The following POLE2 variants were observed in gnomAD, a reference collection of about 807,000 sequenced individuals.
The protein encoded by POLE2 is DNA polymerase epsilon subunit 2.
A neutral mutation model predicts 79.4 loss-of-function variants in POLE2; 56 were observed. That is an observed-to-expected ratio of 0.71 (90% CI 0.57 to 0.88). The LOEUF (loss-of-function observed/expected upper bound fraction) is 0.88, where lower values mean the gene tolerates loss of function less well. Ranked by LOEUF, POLE2 falls within the 40% of genes least tolerant of loss-of-function variation. The pLI, the probability that POLE2 is intolerant of heterozygous loss-of-function variation, is 0.00. For missense variants in POLE2, 598 were observed against 638.9 expected, an observed-to-expected ratio of 0.94 and a Z score of 0.69; for synonymous variants, 212 against 214.0, an observed-to-expected ratio of 0.99 and a Z score of 0.08.
chr14:49,645,275 G>C (rs1315184282), intron 18 of POLE2, among the ~76,000 whole-genome samples: 1 of 151,994 alleles, frequency 6.6e-6, no homozygotes, highest in Non-Finnish European at 1.5e-5. Context: ...CCAATATTGT[G>C]TTTTTAAATA....
intron 5 of POLE2, among the ~76,000 whole-genome samples, chr14:49,670,421 G>A (rs927637663): frequency 6.6e-6 from 1 of 151,828 alleles, no homozygotes; most frequent in Non-Finnish European, 1.5e-5. Flanking sequence ...TGAATTATGC[G>A]GTGCACAAGG....
Position 49,664,667 on chromosome 14 carries a change from T to A in POLE2, c.641A>T (p.His214Leu). 1 of 1,588,424 alleles carries A rather than the reference T, an allele frequency of 6.3e-7. No homozygotes were observed. Among genetic ancestry groups the A allele is most frequent in the Non-Finnish European group, 8.6e-7 (1 of 1,156,768 alleles). ...VQLDLSKAQF[H>L]SGLYTEACFV... ...GCATGCCTCTGTGTATAAACCACTA[T>A]GGAACTGGTACACAACAGTTGAGGA... The change falls in exon 9 of 19, where the codon CAT becomes CTT. Residue 214 changes from histidine (H) to leucine (L), a missense_variant. Transcript: ENST00000216367.
chr14:49,686,419 A>G (rs1357171207), intron 1 of POLE2, among the ~76,000 whole-genome samples: 2 of 152,208 alleles, frequency 1.3e-5, no homozygotes, highest in African/African-American at 2.4e-5. Flanking sequence ...CCAGGCAATC[A>G]GGAACTGAAT....
rs1029759847 is a variant in POLE2, at chr14:49,663,354, G to A, written c.716C>T (p.Ala239Val). The A allele has an allele frequency of 6.2e-7, 1 of 1,609,822 alleles. No individual in the cohort carries two copies. Among genetic ancestry groups the A allele is most frequent in the Non-Finnish European group, 8.5e-7 (1 of 1,177,150 alleles). The change falls in exon 10 of 19, where the codon GCC becomes GTC. Residue 239 changes from alanine to valine, a missense_variant. Ala to Val is a moderately conservative substitution (Grantham distance 64). Transcript: ENST00000216367. ...GGGCTCAGTGGGTGGAAATCCAAAGGCATTGACATGAAACACTTGATCTTC... is the reference window on the plus strand; with the variant it reads ...GGGCTCAGTGGGTGGAAATCCAAAGACATTGACATGAAACACTTGATCTTC... ...WFEDQVFHVN[A>V]FGFPPTEPSS...
intron 18 of POLE2, 23 bp from the exon 19 acceptor site, chr14:49,643,693 A>G: frequency 8.1e-7 from 1 of 1,236,890 alleles, no homozygotes; most frequent in Non-Finnish European, 1.2e-6. Flanking sequence ...AAAAAAATTA[A>G]ATATTTGGAA....
intron 10 of POLE2, among the ~76,000 whole-genome samples, chr14:49,662,093 A>G (rs1392754327): frequency 6.6e-6 from 1 of 152,198 alleles, no homozygotes; most frequent in Non-Finnish European, 1.5e-5. Context: ...TATTGGAAAA[A>G]AGCCACAAAC....
In POLE2 at chr14:49,647,360, C is replaced by A; in HGVS notation, c.1498G>T (p.Gly500Cys). ...TNTECLCINP[G>C]SFPRSGFSFK... ...GAAAATCCACTTCTTGGAAAAGAGC[C>A]CTTTGGGGGAGAAAAATGCCTGTAA... The change falls in exon 18 of 19, where the codon GGC (glycine) becomes TGC (cysteine). Residue 500 changes from glycine to cysteine, a missense_variant and splice_region_variant. Coordinates refer to ENST00000216367, the MANE Select transcript of POLE2 (RefSeq NM_002692.4). 1 of 1,535,690 alleles carries A rather than the reference C, an allele frequency of 6.5e-7. No homozygotes were observed. Among genetic ancestry groups the A allele is most frequent in the Non-Finnish European group, 8.8e-7 (1 of 1,135,190 alleles).
chr14:49,685,220 A>G (rs1427157758), intron 1 of POLE2, among the ~76,000 whole-genome samples: 1 of 152,174 alleles, frequency 6.6e-6, no homozygotes, highest in African/African-American at 2.4e-5. Context: ...CATAACACTA[A>G]TTGTTCTATA....
At position 49,674,418 on chromosome 14, in the gene POLE2, A is replaced by C; in HGVS notation, c.255T>G (p.Val85=). 1 of 1,606,562 alleles carries C rather than the reference A, an allele frequency of 6.2e-7. No individual in the cohort carries two copies. Among genetic ancestry groups the C allele is most frequent in the South Asian group, 1.1e-5 (1 of 90,752 alleles). ...SQSVDETIEH[V]FNIIGAFDIP... Reference sequence around the variant, plus strand: ...TATCAAATGCTCCTATGATATTGAAAACGTGCTCTCTGAAAAACATCCCAC... The same window carrying C: ...TATCAAATGCTCCTATGATATTGAACACGTGCTCTCTGAAAAACATCCCAC... The change falls in exon 4 of 19, where the codon GTT becomes GTG. Residue 85 remains valine, a synonymous_variant. Transcript: ENST00000216367.
chr14:49,663,206 G>A, intron 10 of POLE2, 109 bp downstream of exon 10: 1 of 488,150 alleles, frequency 2.0e-6, no homozygotes. Context: ...TTTCCATTTT[G>A]ACACAAAGCC....
At chr14:49,672,263 A>AT (rs1279183966) in intron 5 of POLE2, among the ~76,000 whole-genome samples, 1 of 152,192 alleles carries the variant, frequency 6.6e-6, no homozygotes, top group African/African-American at 2.4e-5. Context: ...TAGGCAGTGA[A>AT]TTTCCTTGAA....
chr14:49,672,823 T>G (rs188113513), intron 5 of POLE2, among the ~76,000 whole-genome samples: 1 of 152,206 alleles, frequency 6.6e-6, no homozygotes, highest in African/African-American at 2.4e-5. Context: ...TTATCACTTC[T>G]CTTTCTCCCA....
intron 18 of POLE2, among the ~76,000 whole-genome samples, chr14:49,645,878 TGCC>T (rs1883723168): frequency 6.6e-6 from 1 of 152,196 alleles, no homozygotes; most frequent in Admixed American, 6.5e-5. Context: ...GTCATCTGCC[TGCC>T]TTGGCCTCCC....
intron 1 of POLE2, among the ~76,000 whole-genome samples, chr14:49,684,342 G>A (rs977692015): frequency 3.3e-5 from 5 of 151,980 alleles, no homozygotes; most frequent in African/African-American, 1.2e-4. Flanking sequence ...GCGGGCGCCT[G>A]TAGTCCCAGA....
rs1883758731 is a variant in POLE2 at position 49,646,302 on chromosome 14, G to GTTTTTTTTGTTTTTT, written c.1565+990_1565+991insAAAAAACAAAAAAAA. Among the ~76,000 whole-genome samples, 6 of 84,554 alleles carry GTTTTTTTTGTTTTTT rather than the reference G, an allele frequency of 7.1e-5. 1 individual carries two copies. Among genetic ancestry groups the GTTTTTTTTGTTTTTT allele is most frequent in the Admixed American group, 2.4e-4 (2 of 8,290 alleles). 55.5% of individuals were successfully genotyped at this position (84,554 alleles called of 152,430 possible). A position where few individuals can be genotyped will look rare whatever the true frequency, so the allele number is the denominator to read the frequency against. ...GATTTGGTCAGTTGTTTTTTTGTTG[G>GTTTTTTTTGTTTTTT]TTTTTTTTTTTTTTTTTTTTTTTTT... On this transcript the variant is annotated intron_variant, in intron 18 of 18. Coordinates refer to ENST00000216367, the MANE Select transcript of POLE2 (RefSeq NM_002692.4).
chr14:49,654,754 G>T, intron 13 of POLE2, 30 bp downstream of exon 13: 1 of 1,456,506 alleles, frequency 6.9e-7, no homozygotes, highest in Non-Finnish European at 9.0e-7. Context: ...GTAAAACGGT[G>T]AAAAAATATA....
chr14:49,646,743 A>G (rs1883805505), intron 18 of POLE2: 1 of 152,212 alleles, frequency 6.6e-6, no homozygotes, highest in African/African-American at 2.4e-5. Flanking sequence ...TTACAATTAG[A>G]AAGTCATTTG....
chr14:49,686,335 C>T (rs1887134902), intron 1 of POLE2, among the ~76,000 whole-genome samples: 1 of 152,012 alleles, frequency 6.6e-6, no homozygotes, highest in East Asian at 1.9e-4. Flanking sequence ...TACTAGAAGA[C>T]TCTCTCTCTT....
At chr14:49,644,111 C>G (rs1009713829) in intron 18 of POLE2, among the ~76,000 whole-genome samples, 2 of 150,374 alleles carry the variant, frequency 1.3e-5, no homozygotes, top group African/African-American at 4.9e-5. Context: ...AACTCCTGAC[C>G]TCAGGTGATC....
Sources: allele counts gnomAD v4.1 joint callset (sites outside exome capture counted in the v4.1 genomes callset), GRCh38; gene constraint gnomAD v4.1.1; transcripts MANE v1.5; gene names NCBI Gene and HGNC (gene_info 2026-07-23, HGNC 2026-07-21).